The following APBB1IP variants were observed in gnomAD, a reference collection of about 807,000 sequenced individuals.
APBB1IP encodes the protein amyloid beta A4 precursor protein-binding family B member 1-interacting protein.
Under a neutral mutation model 64.9 loss-of-function variants are expected in APBB1IP, and 27 were observed. The ratio of observed to expected loss-of-function variants is 0.42; its 90% CI spans 0.31 to 0.57. The LOEUF (loss-of-function observed/expected upper bound fraction) is 0.57. Ranked by LOEUF, APBB1IP falls within the 20% of genes least tolerant of loss-of-function variation. The pLI, the probability that APBB1IP is intolerant of heterozygous loss-of-function variation, is 0.20. For synonymous variants in APBB1IP, 392 were observed against 331.0 expected (o/e 1.18, Z -2.00); for missense variants, 812 against 845.5 (o/e 0.96, Z 0.49).
chr10:26,545,628 C>T (rs971877199), intron 11 of APBB1IP, among the ~76,000 whole-genome samples: 76 of 152,152 alleles, frequency 5.0e-4, no homozygotes, highest in African/African-American at 1.8e-3. Flanking sequence ...GGCGTGGTAG[C>T]GGGCGCCTGT....
At chr10:26,500,502 G>C (rs1461980812) in intron 4 of APBB1IP, among the ~76,000 whole-genome samples, 1 of 152,102 alleles carries the variant, frequency 6.6e-6, no homozygotes, top group Non-Finnish European at 1.5e-5. Flanking sequence ...TTCCTACTTA[G>C]GCATCTATTC....
chr10:26,498,552 A>C (rs1391906889), intron 4 of APBB1IP, among the ~76,000 whole-genome samples: 1 of 152,224 alleles, frequency 6.6e-6, no homozygotes, highest in Non-Finnish European at 1.5e-5. Context: ...TTATGATGGC[A>C]ATAGATAACA....
chr10:26,541,525 T>A, intron 10 of APBB1IP, 57 bp from the exon 11 acceptor site: 1 of 1,173,216 alleles, frequency 8.5e-7, no homozygotes, highest in Non-Finnish European at 1.2e-6. Context: ...AGGACAACTC[T>A]GGAAAATTGT....
At chr10:26,494,083 A>G (rs971894759) in intron 3 of APBB1IP, among the ~76,000 whole-genome samples, 1 of 152,126 alleles carries the variant, frequency 6.6e-6, no homozygotes, top group East Asian at 1.9e-4. Context: ...CTTTTTACCA[A>G]CCCTTGAGGA....
chr10:26,454,302 G>A (rs181563368), intron 2 of APBB1IP, among the ~76,000 whole-genome samples: 7 of 152,162 alleles, frequency 4.6e-5, no homozygotes, highest in South Asian at 4.2e-4. Flanking sequence ...TTAGCCGGGC[G>A]TGGTGGTGGA....
At chr10:26,510,945 A>G (rs1289741056) in intron 6 of APBB1IP, among the ~76,000 whole-genome samples, 1 of 151,894 alleles carries the variant, frequency 6.6e-6, no homozygotes, top group Non-Finnish European at 1.5e-5. Flanking sequence ...ACCTTTAGAG[A>G]ATTGTAGATT....
intron 2 of APBB1IP, among the ~76,000 whole-genome samples, chr10:26,454,442 T>A (rs1356964245): frequency 6.6e-6 from 1 of 151,954 alleles, no homozygotes; most frequent in African/African-American, 2.4e-5. Context: ...GCTGAGATCG[T>A]GCCACTGCAC....
chr10:26,519,883 G>A (rs1309572595), intron 8 of APBB1IP, among the ~76,000 whole-genome samples: 2 of 152,184 alleles, frequency 1.3e-5, no homozygotes, highest in Non-Finnish European at 2.9e-5. Context: ...CTTAGAGTGA[G>A]AGAAGCAGGC....
At chr10:26,539,438 A>G (rs1836670071) in intron 10 of APBB1IP, among the ~76,000 whole-genome samples, 1 of 149,984 alleles carries the variant, frequency 6.7e-6, no homozygotes, top group Admixed American at 6.6e-5. Context: ...AGAAAGAGAG[A>G]GAGTGAAGGA....
intron 13 of APBB1IP, among the ~76,000 whole-genome samples, chr10:26,561,683 A>G (rs1836974520): frequency 6.6e-6 from 1 of 152,214 alleles, no homozygotes; most frequent in Non-Finnish European, 1.5e-5. Flanking sequence ...ATTTTAAGGT[A>G]ACATGAGTCA....
chr10:26,560,351 T>G, intron 12 of APBB1IP, 148 bp downstream of exon 12: 2 of 698,380 alleles, frequency 2.9e-6, no homozygotes, highest in South Asian at 3.6e-5. Context: ...GTGGGTTTTC[T>G]AAATGGGAGG....
intron 5 of APBB1IP, 55 bp downstream of exon 5, chr10:26,501,166 G>A (rs780933007): frequency 6.2e-7 from 1 of 1,602,140 alleles, no homozygotes; most frequent in Non-Finnish European, 8.6e-7. Flanking sequence ...ACCTATCACT[G>A]ATGTTCCTTG....
chr10:26,560,283 T>A, intron 12 of APBB1IP, 80 bp downstream of exon 12: 1 of 1,320,940 alleles, frequency 7.6e-7, no homozygotes, highest in Non-Finnish European at 1.1e-6. Flanking sequence ...CCTGGTACTG[T>A]GAAACAGCTG....
intron 8 of APBB1IP, among the ~76,000 whole-genome samples, chr10:26,531,791 C>T (rs573831233): frequency 2.0e-5 from 3 of 152,186 alleles, no homozygotes; most frequent in African/African-American, 7.2e-5. Flanking sequence ...GATTCTCAAA[C>T]TTCAGCATGA....
chr10:26,490,523 G>T (rs1189285684), intron 2 of APBB1IP, among the ~76,000 whole-genome samples: 1 of 152,136 alleles, frequency 6.6e-6, no homozygotes, highest in East Asian at 1.9e-4. Flanking sequence ...TACTCAGGAG[G>T]CTGAGGCACG....
At chr10:26,442,232 G>A (rs1589186568) in intron 2 of APBB1IP, among the ~76,000 whole-genome samples, 1 of 152,282 alleles carries the variant, frequency 6.6e-6, no homozygotes, top group Non-Finnish European at 1.5e-5. Flanking sequence ...AGAACTTATC[G>A]TGTTATCATG....
intron 2 of APBB1IP, among the ~76,000 whole-genome samples, chr10:26,456,459 A>G (rs4747565): frequency 0.4 from 60,699 of 151,980 alleles, 12,262 homozygotes; most frequent in South Asian, 0.5. Context: ...AAAATTTAAA[A>G]GCCACCTTAT....
intron 10 of APBB1IP, among the ~76,000 whole-genome samples, chr10:26,540,376 A>G (rs574851755): frequency 6.6e-6 from 1 of 152,306 alleles, no homozygotes; most frequent in African/African-American, 2.4e-5. Context: ...GGAATTCAAG[A>G]CCAGCCTGGG....
At chr10:26,534,018 A>G (rs1360052761) in intron 9 of APBB1IP, among the ~76,000 whole-genome samples, 3 of 151,544 alleles carry the variant, frequency 2.0e-5, no homozygotes, top group Non-Finnish European at 4.4e-5. Context: ...TTGAATTATC[A>G]CAGAGATTCA....
Sources: gnomAD v4.1 joint callset for allele counts (sites outside exome capture counted in the v4.1 genomes callset) on GRCh38, gnomAD v4.1.1 for gene constraint, MANE v1.5 for transcripts, NCBI Gene and HGNC (gene_info 2026-07-23, HGNC 2026-07-21) for gene names.